ZMYM2: variants seen among roughly 807,000 people sequenced by gnomAD.
ZMYM2 encodes the protein zinc finger MYM-type protein 2.
ZMYM2 carries 56 observed loss-of-function variants against 162.8 expected under a neutral mutation model. That is an observed-to-expected ratio of 0.34 (90% CI 0.28 to 0.43). The LOEUF is 0.43. ZMYM2 is among the 20% of genes least tolerant of loss of function. ZMYM2 has a pLI of 1.00. For synonymous variants in ZMYM2, 510 were observed against 541.6 expected, an observed-to-expected ratio of 0.94 and a Z score of 0.81; for missense variants, 1,275 against 1,621.8, an observed-to-expected ratio of 0.79 and a Z score of 3.67.
intron 19 of ZMYM2, 46 bp from the exon 20 acceptor site, chr13:20,066,805 A>T: frequency 6.8e-7 from 1 of 1,472,956 alleles, no homozygotes; most frequent in Non-Finnish European, 9.0e-7. Context: ...TAATGAAATA[A>T]TGTAGGCTTT....
At chr13:20,028,888 C>G (rs1952819579) in intron 9 of ZMYM2, among the ~76,000 whole-genome samples, 1 of 151,066 alleles carries the variant, frequency 6.6e-6, no homozygotes, top group African/African-American at 2.4e-5. Context: ...AATTTAGGCT[C>G]TTACTTTGAG....
chr13:20,061,347 GTAACAAAAATGT>G, intron 17 of ZMYM2, 123 bp downstream of exon 17: 4 of 967,500 alleles, frequency 4.1e-6, no homozygotes, highest in South Asian at 3.8e-5. Flanking sequence ...GGAAAGCATT[GTAACAAAAATGT>G]TTTTTATATT....
chr13:19,970,074 A>G, intron 2 of ZMYM2: 1 of 985,310 alleles, frequency 1.0e-6, no homozygotes, highest in Non-Finnish European at 1.2e-6. Context: ...TAAAGAAGGT[A>G]ATGTTTTTTT....
chr13:20,022,001 C>T (rs1952152289), intron 7 of ZMYM2, among the ~76,000 whole-genome samples: 1 of 152,156 alleles, frequency 6.6e-6, no homozygotes. Context: ...TGTTAACCTC[C>T]CCTTCCCCCA....
At chr13:19,895,569 T>C in the ZMYM2 span, among the ~76,000 whole-genome samples, 1 of 151,834 alleles carries the variant, frequency 6.6e-6, no homozygotes, top group African/African-American at 2.4e-5. Context: ...TTTCTCTTCT[T>C]ATAAAGCTGC....
chr13:19,991,227 C>T, intron 2 of ZMYM2, among the ~76,000 whole-genome samples: 1 of 152,034 alleles, frequency 6.6e-6, no homozygotes, highest in Non-Finnish European at 1.5e-5. Context: ...GATCTTCCTG[C>T]CTCAGCCTCC....
intron 21 of ZMYM2, among the ~76,000 whole-genome samples, chr13:20,072,489 C>G (rs1957161219): frequency 6.6e-6 from 1 of 152,066 alleles, no homozygotes; most frequent in Admixed American, 6.6e-5. Context: ...CCATTGCACT[C>G]CAGCCTGGGC....
At chr13:19,988,727 G>A (rs930182708) in intron 2 of ZMYM2, among the ~76,000 whole-genome samples, 3 of 152,106 alleles carry the variant, frequency 2.0e-5, no homozygotes, top group African/African-American at 7.2e-5. Context: ...AGGTTGCGGT[G>A]AGCAAGATCG....
chr13:19,933,590 T>C, the ZMYM2 span, among the ~76,000 whole-genome samples: 8 of 152,156 alleles, frequency 5.3e-5, no homozygotes, highest in Admixed American at 3.9e-4. Context: ...ATTTTGGGGA[T>C]CAACACCTGT....
At chr13:19,971,228 A>ATGTG (rs10629393) in intron 2 of ZMYM2, among the ~76,000 whole-genome samples, 5,062 of 57,546 alleles carry the variant, frequency 0.088, 327 homozygotes, top group Admixed American at 0.12. Flanking sequence ...GTTTATATAT[A>ATGTG]TGTGTGTGTG....
chr13:20,085,594 T>C (rs778281095), intron 24 of ZMYM2, among the ~76,000 whole-genome samples: 2 of 152,202 alleles, frequency 1.3e-5, no homozygotes, highest in Non-Finnish European at 2.9e-5. Context: ...GGTGTGTCTA[T>C]TGATAGTGTC....
intron 9 of ZMYM2, chr13:20,028,198 T>C (rs1051689484): frequency 3.1e-5 from 5 of 159,348 alleles, no homozygotes; most frequent in African/African-American, 9.6e-5. Flanking sequence ...TTAATAGTAA[T>C]ATTCTCACTG....
At chr13:19,918,680 A>G in the ZMYM2 span, among the ~76,000 whole-genome samples, 12 of 151,332 alleles carry the variant, frequency 7.9e-5, no homozygotes, top group African/African-American at 2.9e-4. Context: ...TTGTATTTTT[A>G]GTAGAGACAG....
chr13:20,078,392 TTGTTA>T (rs1267109688), intron 21 of ZMYM2, among the ~76,000 whole-genome samples: 1 of 152,208 alleles, frequency 6.6e-6, no homozygotes, highest in African/African-American at 2.4e-5. Context: ...ATTTTATAAA[TTGTTA>T]TGTATATTGT....
chr13:19,919,673 T>G, the ZMYM2 span, among the ~76,000 whole-genome samples: 1 of 74,224 alleles, frequency 1.3e-5, no homozygotes, highest in Non-Finnish European at 2.7e-5. Context: ...ATGTTTTTTT[T>G]CTTTTTCTTT....
the ZMYM2 span, among the ~76,000 whole-genome samples, chr13:19,936,820 A>C: frequency 1.3e-5 from 2 of 152,144 alleles, no homozygotes; most frequent in East Asian, 3.8e-4. Flanking sequence ...CTTTCCTATT[A>C]ACTACTAATT....
intron 3 of ZMYM2, among the ~76,000 whole-genome samples, chr13:20,001,367 G>A (rs533396548): frequency 2.0e-5 from 3 of 149,872 alleles, no homozygotes; most frequent in South Asian, 4.3e-4. Flanking sequence ...TCTCCAGCCT[G>A]GGCTACAGAG....
rs796879715 is a variant in ZMYM2 at position 20,028,808 on chromosome 13, C to CTTT, written c.1851+1503_1851+1505dup. ...TACATGTCCATACACATGCAATCATCTTTTTTTTTTTTTTTAATTTTTGAT... is the reference window on the plus strand; with the variant it reads ...TACATGTCCATACACATGCAATCATCTTTTTTTTTTTTTTTTTTAATTTTTGAT... On this transcript the variant is annotated intron_variant, in intron 9 of 24. Coordinates refer to ENST00000610343, the MANE Select transcript of ZMYM2 (RefSeq NM_197968.4). Among the ~76,000 whole-genome samples, 171 of 140,294 alleles carry CTTT rather than the reference C, an allele frequency of 1.2e-3. 1 individual carries two copies. The Middle Eastern group carries it at 0.019, about 15-fold the overall frequency. 92.0% of individuals were successfully genotyped at this position (140,294 alleles called of 152,430 possible).
At chr13:19,921,884 C>T in the ZMYM2 span, among the ~76,000 whole-genome samples, 3 of 151,670 alleles carry the variant, frequency 2.0e-5, no homozygotes, top group Admixed American at 2.0e-4. Flanking sequence ...GCTTTCGACA[C>T]ACACGCTGAT....
Sources: gnomAD v4.1 joint callset for allele counts (sites outside exome capture counted in the v4.1 genomes callset) on GRCh38, gnomAD v4.1.1 for gene constraint, MANE v1.5 for transcripts, NCBI Gene and HGNC (gene_info 2026-07-23, HGNC 2026-07-21) for gene names.